LDLRAD4: variants seen among roughly 807,000 people sequenced by gnomAD.
LDLRAD4 encodes low-density lipoprotein receptor class A domain-containing protein 4.
LDLRAD4 carries 5 observed loss-of-function variants against 17.0 expected under a neutral mutation model. That is an observed-to-expected ratio of 0.29 (90% confidence interval 0.15 to 0.62). The LOEUF is 0.62. Among genes scored for constraint, LDLRAD4 ranks in the 20% least tolerant of loss-of-function variants. The pLI, the probability that LDLRAD4 is intolerant of heterozygous loss-of-function variation, is 0.84. For missense variants in LDLRAD4, 340 were observed against 424.7 expected (o/e 0.80, Z 1.75); for synonymous variants, 168 against 171.8 (o/e 0.98, Z 0.17).
intron 1 of LDLRAD4, among the ~76,000 whole-genome samples, chr18:13,313,027 C>A (rs529764024): frequency 6.6e-6 from 1 of 152,066 alleles, no homozygotes; most frequent in Non-Finnish European, 1.5e-5. Flanking sequence ...TCACTGACTT[C>A]GTTAAGGGGA....
intron 1 of LDLRAD4, among the ~76,000 whole-genome samples, chr18:13,270,137 A>T (rs2044445911): frequency 6.6e-6 from 1 of 152,054 alleles, no homozygotes; most frequent in Non-Finnish European, 1.5e-5. Context: ...CCAAGGTGGG[A>T]TGATCTCTTG....
intron 1 of LDLRAD4, among the ~76,000 whole-genome samples, chr18:13,239,002 A>T (rs567922659): frequency 3.3e-5 from 5 of 152,118 alleles, no homozygotes; most frequent in African/African-American, 1.2e-4. Context: ...CCTGGCCAAC[A>T]TGGTGAAACC....
intron 1 of LDLRAD4, among the ~76,000 whole-genome samples, chr18:13,301,917 G>C (rs1335863798): frequency 6.6e-6 from 1 of 152,098 alleles, no homozygotes; most frequent in Admixed American, 6.5e-5. Flanking sequence ...GACCAGCCCC[G>C]CTGGGCAGCC....
chr18:13,260,329 C>T (rs1296972853), intron 1 of LDLRAD4, among the ~76,000 whole-genome samples: 1 of 152,246 alleles, frequency 6.6e-6, no homozygotes, highest in African/African-American at 2.4e-5. Flanking sequence ...GTCTGTGGAA[C>T]AGCCTTCCCT....
At chr18:13,427,577 G>C (rs1303397551) in intron 2 of LDLRAD4, 1 of 152,260 alleles carries the variant, frequency 6.6e-6, no homozygotes, top group Non-Finnish European at 1.5e-5. Flanking sequence ...CAGGGCTTCA[G>C]CCAGACAATG....
chr18:13,475,625 G>A (rs904615834), intron 3 of LDLRAD4, among the ~76,000 whole-genome samples: 2 of 151,990 alleles, frequency 1.3e-5, no homozygotes, highest in African/African-American at 4.8e-5. Flanking sequence ...GTAGCTTATG[G>A]TGCACACGGA....
intron 1 of LDLRAD4, among the ~76,000 whole-genome samples, chr18:13,246,161 C>T (rs1367241238): frequency 2.0e-5 from 3 of 152,216 alleles, no homozygotes; most frequent in Middle Eastern, 3.2e-3. Flanking sequence ...TCAGATAACC[C>T]GTATTGCTTG....
chr18:13,454,565 CAGTG>C lies in LDLRAD4; in HGVS notation c.181+16185_181+16188del, dbSNP rs568134782. ...AAATCCATCGGATGAAACATACACTCAGTGAGTAGACAAGGCAGCCAGAGGCTAT... is the reference window on the plus strand; with the variant it reads ...AAATCCATCGGATGAAACATACACTCAGTAGACAAGGCAGCCAGAGGCTAT... On this transcript the variant is annotated intron_variant, in intron 3 of 5. Transcript: ENST00000359446. 5.3e-5 allele frequency among the ~76,000 whole-genome samples: 8 copies of C among 152,294 alleles called. No homozygotes were observed. In the South Asian group the frequency reaches 1.7e-3, roughly 32 times the overall value.
chr18:13,228,096 G>A (rs2041900059), intron 1 of LDLRAD4, among the ~76,000 whole-genome samples: 1 of 152,158 alleles, frequency 6.6e-6, no homozygotes, highest in African/African-American at 2.4e-5. Context: ...CCTGCCATCA[G>A]CACCACACTC....
intron 1 of LDLRAD4, among the ~76,000 whole-genome samples, chr18:13,245,674 A>G (rs1448550433): frequency 6.6e-6 from 1 of 152,220 alleles, no homozygotes; most frequent in Admixed American, 6.5e-5. Flanking sequence ...CAGAGCAGAC[A>G]GCATGATCAT....
In LDLRAD4 at chr18:13,419,825, A is replaced by G. The variant is rs1475107052; in HGVS notation, c.41-18419A>G. The G allele has an allele frequency of 2.6e-5, 4 of 152,306 alleles. No homozygotes were observed. The South Asian group carries it at 6.2e-4, about 24-fold the overall frequency. The allele number at this position is 152,306 out of a possible 1,614,324, so 9.4% of individuals were successfully genotyped here. A position where few individuals can be genotyped will look rare whatever the true frequency, so the allele number is the denominator to read the frequency against. ...TCTCTGACGTATTAGCTGGTAGAAG[A>G]CTGGATGTACCCTCACGTGCACATG... is the stretch of plus-strand genomic sequence containing the variant. On this transcript the variant is annotated intron_variant, in intron 2 of 5. Coordinates refer to ENST00000359446, the Ensembl canonical transcript of LDLRAD4.
At chr18:13,436,393 C>T (rs986768842) in intron 2 of LDLRAD4, among the ~76,000 whole-genome samples, 17 of 152,174 alleles carry the variant, frequency 1.1e-4, no homozygotes, top group Non-Finnish European at 2.5e-4. Context: ...GGTTTCATTT[C>T]TTGGGTAGTT....
chr18:13,282,586 G>A (rs2045347756), intron 1 of LDLRAD4, among the ~76,000 whole-genome samples: 1 of 152,242 alleles, frequency 6.6e-6, no homozygotes, highest in South Asian at 2.1e-4. Flanking sequence ...GCGTCACACT[G>A]ATGTAAGAGG....
chr18:13,567,579 T>C (rs2040188), intron 3 of LDLRAD4, among the ~76,000 whole-genome samples: 1 of 152,314 alleles, frequency 6.6e-6, no homozygotes, highest in South Asian at 2.1e-4. Context: ...TCTCTGAAGA[T>C]CTGAGACTAT....
At chr18:13,578,030 C>A (rs2094800242) in intron 3 of LDLRAD4, among the ~76,000 whole-genome samples, 1 of 152,176 alleles carries the variant, frequency 6.6e-6, no homozygotes, top group Non-Finnish European at 1.5e-5. Flanking sequence ...GTGCCTCCTA[C>A]TTCTTTTTGG....
intron 1 of LDLRAD4, among the ~76,000 whole-genome samples, chr18:13,233,390 G>A (rs2042177969): frequency 1.3e-5 from 2 of 152,212 alleles, no homozygotes; most frequent in African/African-American, 4.8e-5. Context: ...TCAGAGCCCA[G>A]TAAGAGGCGG....
intron 1 of LDLRAD4, among the ~76,000 whole-genome samples, chr18:13,243,646 A>G (rs1048492663): frequency 6.9e-6 from 1 of 144,782 alleles, no homozygotes; most frequent in East Asian, 2.1e-4. Context: ...ACATTCATCC[A>G]TCGATTTACC....
intron 2 of LDLRAD4, among the ~76,000 whole-genome samples, chr18:13,428,073 G>A (rs2090076468): frequency 6.6e-6 from 1 of 152,208 alleles, no homozygotes; most frequent in South Asian, 2.1e-4. Context: ...AGTAAGACCA[G>A]GCAGACATAA....
At chr18:13,477,752 G>A (rs529330623) in intron 3 of LDLRAD4, among the ~76,000 whole-genome samples, 1 of 152,210 alleles carries the variant, frequency 6.6e-6, no homozygotes, top group Admixed American at 6.5e-5. Context: ...GATGAGCCAT[G>A]TTCGCATTTT....
Sources: allele counts gnomAD v4.1 joint callset (sites outside exome capture counted in the v4.1 genomes callset), GRCh38; gene constraint gnomAD v4.1.1; transcripts MANE v1.5; gene names NCBI Gene and HGNC (gene_info 2026-07-23, HGNC 2026-07-21).